Variants in CCAR2 observed in about 807,000 individuals in gnomAD.
CCAR2 encodes cell cycle and apoptosis regulator protein 2.
A neutral mutation model predicts 108.1 loss-of-function variants in CCAR2; 21 were observed. That is an observed-to-expected ratio of 0.19 (90% CI 0.14 to 0.28). CCAR2 has a LOEUF of 0.28. CCAR2 is among the 10% of genes least tolerant of loss of function. The probability of loss-of-function intolerance (pLI) is 1.00; values close to 1 mark genes in which losing one functional copy is unlikely to be tolerated. For synonymous variants in CCAR2, 577 were observed against 472.8 expected (o/e 1.22, Z -2.86); for missense variants, 1,126 against 1,177.0 (o/e 0.96, Z 0.63).
rs145568118 is a variant in CCAR2, at chr8:22,618,970, C to A, written c.2476C>A (p.Arg826=). The change falls in exon 19 of 21, where the codon CGG becomes AGG. Residue 826 remains arginine (R), a synonymous_variant. Coordinates refer to ENST00000308511, the MANE Select transcript of CCAR2 (RefSeq NM_001393997.1). Reference sequence around the variant, plus strand: ...GCGCGCGGAGCAGCAGGACAGCGGCCGGCTCTACCTAGAGAACAAGATCCA... The same window carrying A: ...GCGCGCGGAGCAGCAGGACAGCGGCAGGCTCTACCTAGAGAACAAGATCCA... ...LQRAEQQDSG[R]LYLENKIHTL... The A allele has an allele frequency of 2.0e-5, 33 of 1,613,046 alleles. No individual in the cohort carries two copies. The highest frequency in any genetic ancestry group is 2.6e-5 in the Non-Finnish European group (31 of 1,179,914).
intron 8 of CCAR2, 188 bp from the exon 9 acceptor site, chr8:22,613,904 G>GTTTGACT: frequency 1.7e-6 from 1 of 589,512 alleles, no homozygotes; most frequent in African/African-American, 1.9e-5. Context: ...CCCTTTCCCA[G>GTTTGACT]TTTGACTTTT....
intron 7 of CCAR2, among the ~76,000 whole-genome samples, chr8:22,608,590 C>T (rs1428317217): frequency 1.3e-5 from 2 of 152,174 alleles, no homozygotes; most frequent in East Asian, 3.8e-4. Flanking sequence ...GTGGAGCAAG[C>T]ATGGCTGATT....
In CCAR2 at chr8:22,616,155, C is replaced by G. The variant is rs752617031; in HGVS notation, c.1752C>G (p.Thr584=). Residue 584 remains threonine, a synonymous_variant, in exon 14 of 21, where the codon ACC becomes ACG. Transcript: ENST00000308511. ...AGGAGGCGGCCAAGGAAGAAGCCACCAAGGAGGAAGAAGCCATCAAAGAGG... is the reference window on the plus strand; with the variant it reads ...AGGAGGCGGCCAAGGAAGAAGCCACGAAGGAGGAAGAAGCCATCAAAGAGG... ...EKEEAAKEEA[T]KEEEAIKEEV... 4 of 1,613,868 alleles carry G rather than the reference C, an allele frequency of 2.5e-6. No homozygotes were observed. Among genetic ancestry groups the G allele is most frequent in the Non-Finnish European group, 8.5e-7 (1 of 1,179,982 alleles).
Position 22,618,688 on chromosome 8 carries a change from G to A in CCAR2, c.2292G>A (p.Gln764=). ...CQYRSLQYSR[Q]EGLDGGLPEE... ...ACCGGAGCCTTCAGTACAGCCGCCA[G>A]GAGGGCCTGGATGGTGGCCTTCCCG... Residue 764 remains glutamine (Q), a synonymous_variant, in exon 18 of 21, where the codon CAG becomes CAA. Transcript: ENST00000308511. 2 of 1,614,084 alleles carry A rather than the reference G, an allele frequency of 1.2e-6. No individual in the cohort carries two copies. Among genetic ancestry groups the A allele is most frequent in the Non-Finnish European group, 8.5e-7 (1 of 1,180,028 alleles).
chr8:22,608,403 C>T (rs1801159438), intron 7 of CCAR2, among the ~76,000 whole-genome samples: 1 of 152,210 alleles, frequency 6.6e-6, no homozygotes, highest in African/African-American at 2.4e-5. Flanking sequence ...GGAATGGAAA[C>T]TCTCAATAGT....
At chr8:22,609,275 T>C (rs373913327) in intron 7 of CCAR2, among the ~76,000 whole-genome samples, 26 of 152,314 alleles carry the variant, frequency 1.7e-4, no homozygotes, top group African/African-American at 5.8e-4. Flanking sequence ...TAAATCCCAG[T>C]GCTTTGGGAG....
At chr8:22,613,963 T>G in intron 8 of CCAR2, 129 bp from the exon 9 acceptor site, 4 of 725,724 alleles carry the variant, frequency 5.5e-6, no homozygotes, top group Non-Finnish European at 9.1e-6. Context: ...CTAGCTTCCT[T>G]GAGAGGTGCC....
Position 22,616,174 on chromosome 8 carries a change from A to G in CCAR2, c.1771A>G (p.Lys591Glu), listed in dbSNP as rs1038295423. Residue 591 changes from lysine to glutamate, a missense_variant, in exon 14 of 21, where the codon AAA becomes GAA. Lys to Glu is a moderately conservative substitution (Grantham distance 56). Around this residue, in one of 4 missense-constraint regions of CCAR2, gnomAD observed 1,013 missense variants for 993.9 expected, o/e 1.02. Coordinates refer to ENST00000308511, the MANE Select transcript of CCAR2 (RefSeq NM_001393997.1). ...AGCCACCAAGGAGGAAGAAGCCATC[A>G]AAGAGGAGGTGGTCAAGGAGCCCAA... is the stretch of plus-strand genomic sequence containing the variant. ...EEATKEEEAI[K>E]EEVVKEPKDE... is the part of the protein sequence containing the mutation. The G allele has an allele frequency of 6.2e-7, 1 of 1,614,028 alleles. No individual in the cohort carries two copies. Among genetic ancestry groups the G allele is most frequent in the Non-Finnish European group, 8.5e-7 (1 of 1,180,028 alleles).
At chr8:22,617,623 C>G (rs1300284865) in intron 15 of CCAR2, 59 bp downstream of exon 15, 3 of 1,611,858 alleles carry the variant, frequency 1.9e-6, no homozygotes, top group African/African-American at 2.7e-5. Context: ...CCACCTGTGG[C>G]CAAGCTGGTT....
chr8:22,620,649 G>A (rs1456859648), downstream of CCAR2: 2 of 152,180 alleles, frequency 1.3e-5, no homozygotes, highest in South Asian at 2.1e-4. Flanking sequence ...GCTGCTCCGT[G>A]GAGGGCAGCA....
chr8:22,605,879 C>T (rs767072187), intron 2 of CCAR2, 48 bp downstream of exon 2: 2 of 1,580,748 alleles, frequency 1.3e-6, no homozygotes, highest in Admixed American at 3.5e-5. Flanking sequence ...AGTATGTGCT[C>T]TGGAGTTAGT....
In CCAR2 at chr8:22,618,735, TCTGGGGCCCTGCAGC is replaced by T. The variant is rs765490711; in HGVS notation, c.2332+10_2332+24del. 2.5e-6 allele frequency: 4 copies of T among 1,613,756 alleles called. No homozygotes were observed. In the African/African-American group the frequency reaches 5.3e-5, roughly 22 times the overall value. On this transcript the variant is annotated splice_region_variant and intron_variant, in intron 18 of 20. Coordinates refer to ENST00000308511, the MANE Select transcript of CCAR2 (RefSeq NM_001393997.1). The stretch of plus-strand genomic sequence containing the variant: ...CCCGAGGAGGTGCTCTTCGGTATGT[TCTGGGGCCCTGCAGC>T]CTTCCTGGGGCACGGGCAGGGCAGG...
At position 22,614,422 on chromosome 8, in the gene CCAR2, A is replaced by G. The variant is rs200570693; in HGVS notation, c.960A>G (p.Glu320=). 1.9e-5 allele frequency: 30 copies of G among 1,614,004 alleles called. No homozygotes were observed. Among genetic ancestry groups the G allele is most frequent in the Non-Finnish European group, 2.5e-5 (29 of 1,180,024 alleles). Residue 320 remains glutamate (E), a synonymous_variant, in exon 10 of 21, where the codon GAA becomes GAG. Transcript: ENST00000308511. ...TGCTCTCTTCCCCGGGGTTGGAGGAATTGTATCGTTGTTGCATGCTCTTTG... is the reference window on the plus strand; with the variant it reads ...TGCTCTCTTCCCCGGGGTTGGAGGAGTTGTATCGTTGTTGCATGCTCTTTG... ...VLLLSSPGLE[E]LYRCCMLFVD...
At chr8:22,618,160 A>T in intron 16 of CCAR2, 189 bp from the exon 17 acceptor site, 1 of 682,926 alleles carries the variant, frequency 1.5e-6, no homozygotes, top group Non-Finnish European at 2.5e-6. Context: ...GCATGAATAT[A>T]GTGCACTGCA....
At position 22,619,339 on chromosome 8, in the gene CCAR2, A is replaced by G; in HGVS notation, c.2711A>G (p.Gln904Arg). ...CTGACCCCCCTGCAGCTGGAGATCC[A>G]GCGGGTGGTGGAAAAGGTAAGGTGG... The part of the protein sequence containing the change: ...RRLTPLQLEI[Q>R]RVVEKADSWV... Residue 904 changes from glutamine to arginine, a missense_variant, in exon 20 of 21, where the codon CAG becomes CGG. Coordinates refer to ENST00000308511, the MANE Select transcript of CCAR2 (RefSeq NM_001393997.1). 6.4e-7 allele frequency: 1 copy of G among 1,560,240 alleles called. No individual in the cohort carries two copies.
rs1801707567 is a variant in CCAR2 at position 22,620,027 on chromosome 8, A to G, written c.*345A>G. On this transcript the variant is annotated 3_prime_UTR_variant, in exon 21 of 21. Transcript: ENST00000308511. ...AGTTTAGAATAAGACAGGGGAGAAA[A>G]AGGCTTTTCGAGTGTGGGACAAGGT... 1 of 298,198 alleles carries G rather than the reference A, an allele frequency of 3.4e-6. No homozygotes were observed. Among genetic ancestry groups the G allele is most frequent in the Non-Finnish European group, 6.5e-6 (1 of 154,396 alleles). The allele number at this position is 298,198 out of a possible 1,614,324, so 18.5% of individuals were successfully genotyped here.
intron 1 of CCAR2, chr8:22,605,084 C>G (rs1321383715): frequency 8.3e-6 from 2 of 241,110 alleles, no homozygotes; most frequent in Non-Finnish European, 1.7e-5. Context: ...CTGGGAGACC[C>G]GGCGCTGGCG....
At position 22,619,824 on chromosome 8, in the gene CCAR2, A is replaced by C; in HGVS notation, c.*142A>C. The C allele has an allele frequency of 1.2e-6, 1 of 834,976 alleles. No individual in the cohort carries two copies. The highest frequency in any genetic ancestry group is 2.1e-5 in the Admixed American group (1 of 46,824). The allele number at this position is 834,976 out of a possible 1,614,324, so 51.7% of individuals were successfully genotyped here. ...TGACCCCATGCTCAGCCTCTAGGGG[A>C]CGGCAGGCCATCAGGCTGGGGGCTG... On this transcript the variant is annotated 3_prime_UTR_variant, in exon 21 of 21. Transcript: ENST00000308511.
At chr8:22,608,278 G>T (rs1219017289) in intron 7 of CCAR2, among the ~76,000 whole-genome samples, 1 of 152,092 alleles carries the variant, frequency 6.6e-6, no homozygotes, top group Admixed American at 6.6e-5. Flanking sequence ...AAAAATATTG[G>T]AATTTTATAC....
Sources: gnomAD v4.1 joint callset for allele counts (sites outside exome capture counted in the v4.1 genomes callset) on GRCh38, gnomAD v4.1.1 for gene constraint, gnomAD v4.1.1 regional missense constraint, MANE v1.5 for transcripts, NCBI Gene and HGNC (gene_info 2026-07-23, HGNC 2026-07-21) for gene names.